The following EXT1 variants were observed in gnomAD, a reference collection of about 807,000 sequenced individuals.
EXT1 encodes the protein exostosin glycosyltransferase 1.
EXT1 carries 20 observed loss-of-function variants against 82.5 expected under a neutral mutation model. That is an observed-to-expected ratio of 0.24 (90% CI 0.17 to 0.35). The LOEUF (loss-of-function observed/expected upper bound fraction) is 0.35, where lower values mean the gene tolerates loss of function less well. EXT1 is among the 10% of genes least tolerant of loss of function. The probability of loss-of-function intolerance (pLI) is 1.00; values close to 1 mark genes in which losing one functional copy is unlikely to be tolerated. For synonymous variants in EXT1, 348 were observed against 350.8 expected, an observed-to-expected ratio of 0.99 and a Z score of 0.09; for missense variants, 757 against 936.5, an observed-to-expected ratio of 0.81 and a Z score of 2.50.
chr8:117,994,734 CA>C (rs148243603), intron 1 of EXT1, among the ~76,000 whole-genome samples: 1,780 of 152,278 alleles, frequency 0.012, 34 homozygotes, highest in African/African-American at 0.039. Context: ...ATGGAGCTAG[CA>C]AGTCTAATTT....
At chr8:117,971,434 A>G (rs112469309) in intron 1 of EXT1, among the ~76,000 whole-genome samples, 23 of 152,344 alleles carry the variant, frequency 1.5e-4, no homozygotes, top group Non-Finnish European at 2.9e-4. Flanking sequence ...CCACTCCATG[A>G]CACTCACTTT....
chr8:117,923,114 C>G (rs866083649), intron 1 of EXT1, among the ~76,000 whole-genome samples: 1 of 151,772 alleles, frequency 6.6e-6, no homozygotes, highest in Non-Finnish European at 1.5e-5. Context: ...CACTTGAGGT[C>G]AGGAGTTCGA....
At chr8:118,006,842 T>C (rs908077996) in intron 1 of EXT1, among the ~76,000 whole-genome samples, 1 of 152,188 alleles carries the variant, frequency 6.6e-6, no homozygotes, top group Non-Finnish European at 1.5e-5. Flanking sequence ...ACTCTCTCCA[T>C]GAAAGAGGCA....
intron 1 of EXT1, among the ~76,000 whole-genome samples, chr8:118,054,499 C>T (rs1471316644): frequency 1.3e-5 from 2 of 152,202 alleles, no homozygotes; most frequent in Non-Finnish European, 2.9e-5. Context: ...TGATAATAAT[C>T]GCTGCCACTG....
At chr8:118,051,851 T>C (rs920713171) in intron 1 of EXT1, among the ~76,000 whole-genome samples, 5 of 152,242 alleles carry the variant, frequency 3.3e-5, no homozygotes, top group Non-Finnish European at 7.3e-5. Context: ...GCTGGACTAC[T>C]GTTTTCTGCT....
chr8:117,817,852 G>C (rs942633361), intron 7 of EXT1, among the ~76,000 whole-genome samples: 9 of 152,344 alleles, frequency 5.9e-5, no homozygotes, highest in Non-Finnish European at 1.3e-4. Context: ...AAGGCCGGGA[G>C]ATGATCAGAA....
At chr8:117,871,624 C>T (rs756455086) in intron 1 of EXT1, among the ~76,000 whole-genome samples, 1 of 152,316 alleles carries the variant, frequency 6.6e-6, no homozygotes, top group South Asian at 2.1e-4. Context: ...GCTAGGTGGG[C>T]TCTGGTCCAC....
rs189015528 is a variant in EXT1, at chr8:118,022,363, A to T, written c.962+87722T>A. Among the ~76,000 whole-genome samples the T allele has an allele frequency of 2.9e-3, 263 of 90,714 alleles. 2 individuals carry two copies. Among genetic ancestry groups the T allele is most frequent in the Middle Eastern group, 0.014 (1 of 74 alleles). The allele number at this position is 90,714 out of a possible 152,430, so 59.5% of individuals were successfully genotyped here. A position where few individuals can be genotyped will look rare whatever the true frequency, so the allele number is the denominator to read the frequency against. ...TTTTTTTTTTTTTTTTTTGAGATGG[A>T]GTCTTGCTCTGTCACCCAGGCTGGA... On this transcript the variant is annotated intron_variant, in intron 1 of 10. Transcript: ENST00000378204.
At chr8:117,923,721 G>A (rs1231656799) in intron 1 of EXT1, among the ~76,000 whole-genome samples, 2 of 148,210 alleles carry the variant, frequency 1.3e-5, no homozygotes, top group Non-Finnish European at 3.0e-5. Context: ...GCGAGACTCT[G>A]TCTCAAAAAA....
chr8:117,843,230 A>G lies in EXT1; in HGVS notation c.963-6029T>C, dbSNP rs17474727. On this transcript the variant is annotated intron_variant, in intron 1 of 10. Transcript: ENST00000378204. ...TTGCGCCTTTTTCATTCATTCACCA[A>G]GCATTAGTTGAATGTCTACCATGTG... 2.4e-3 allele frequency among the ~76,000 whole-genome samples: 371 copies of G among 152,358 alleles called. 1 individual carries two copies. Among genetic ancestry groups the G allele is most frequent in the African/African-American group, 8.4e-3 (351 of 41,584 alleles).
rs113605531 is a variant in EXT1, at chr8:118,013,334, A to G, written c.962+96751T>C. 1.2e-3 allele frequency among the ~76,000 whole-genome samples: 186 copies of G among 152,168 alleles called. 1 individual carries two copies. The highest frequency in any genetic ancestry group is 4.5e-3 in the African/African-American group (185 of 41,522). On this transcript the variant is annotated intron_variant, in intron 1 of 10. Transcript: ENST00000378204. ...AGCAATTCTCCTGCCTCAGCCTCCC[A>G]AGTAGCTGAGATTACAGGAGCCCGT...
chr8:118,085,069 A>G (rs1037933769), intron 1 of EXT1, among the ~76,000 whole-genome samples: 2 of 152,230 alleles, frequency 1.3e-5, no homozygotes, highest in African/African-American at 2.4e-5. Context: ...GTTAAGCATC[A>G]TACACCATCA....
intron 1 of EXT1, among the ~76,000 whole-genome samples, chr8:118,094,553 T>C (rs1228214071): frequency 6.6e-6 from 1 of 152,280 alleles, no homozygotes; most frequent in Non-Finnish European, 1.5e-5. Context: ...AATAGTTTCT[T>C]ATTGAGTGTT....
intron 1 of EXT1, among the ~76,000 whole-genome samples, chr8:118,098,407 CTT>C (rs1817657904): frequency 6.6e-6 from 1 of 152,084 alleles, no homozygotes; most frequent in Non-Finnish European, 1.5e-5. Context: ...TAGCTACTCT[CTT>C]TACCTGAGCC....
At chr8:118,097,931 T>A (rs183014201) in intron 1 of EXT1, among the ~76,000 whole-genome samples, 2 of 152,238 alleles carry the variant, frequency 1.3e-5, no homozygotes, top group African/African-American at 4.8e-5. Context: ...GTCTGAGGCA[T>A]CAAGGAAGTG....
intron 10 of EXT1, among the ~76,000 whole-genome samples, chr8:117,800,358 A>C (rs757806255): frequency 1.7e-4 from 26 of 152,168 alleles, no homozygotes; most frequent in Non-Finnish European, 3.5e-4. Context: ...CTCTCTATCC[A>C]TCACTTCCTT....
At chr8:118,049,532 G>C (rs956779329) in intron 1 of EXT1, among the ~76,000 whole-genome samples, 1 of 152,134 alleles carries the variant, frequency 6.6e-6, no homozygotes, top group Non-Finnish European at 1.5e-5. Context: ...GACAAGAAAT[G>C]CCCCATTCAT....
At chr8:118,084,705 C>T (rs1041211196) in intron 1 of EXT1, among the ~76,000 whole-genome samples, 3 of 152,158 alleles carry the variant, frequency 2.0e-5, no homozygotes, top group African/African-American at 7.2e-5. Context: ...ATTAGGGAAG[C>T]GTTTGATTCC....
intron 1 of EXT1, among the ~76,000 whole-genome samples, chr8:118,011,552 G>C (rs909423980): frequency 7.2e-5 from 11 of 152,240 alleles, no homozygotes; most frequent in African/African-American, 2.4e-4. Context: ...TTAATTTCTA[G>C]GACTCTCTGA....
Sources: allele counts gnomAD v4.1 joint callset (sites outside exome capture counted in the v4.1 genomes callset), GRCh38; gene constraint gnomAD v4.1.1; transcripts MANE v1.5; gene names NCBI Gene and HGNC (gene_info 2026-07-23, HGNC 2026-07-21).